Variants in EXOC6B observed in about 807,000 individuals in gnomAD.
EXOC6B encodes the protein SEC15 homolog B.
EXOC6B carries 54 observed loss-of-function variants against 113.5 expected under a neutral mutation model. That is an observed-to-expected ratio of 0.48 (90% CI 0.38 to 0.60). The LOEUF (loss-of-function observed/expected upper bound fraction) is 0.60. Among genes scored for constraint, EXOC6B ranks in the 20% least tolerant of loss-of-function variants. The pLI is 0.00. For missense variants in EXOC6B, 797 were observed against 977.5 expected (o/e 0.82, Z 2.46); for synonymous variants, 357 against 339.0 (o/e 1.05, Z -0.58).
At chr2:72,534,677 A>T (rs373231045) in intron 8 of EXOC6B, among the ~76,000 whole-genome samples, 2 of 152,146 alleles carry the variant, frequency 1.3e-5, no homozygotes, top group East Asian at 3.8e-4. Flanking sequence ...AAGAGTTTAT[A>T]AAAAACAATC....
chr2:72,215,777 G>C (rs1405058256), intron 20 of EXOC6B, among the ~76,000 whole-genome samples: 1 of 152,056 alleles, frequency 6.6e-6, no homozygotes, highest in South Asian at 2.1e-4. Context: ...TTGGAAACAG[G>C]GGAGGAGACC....
intron 20 of EXOC6B, among the ~76,000 whole-genome samples, chr2:72,327,061 T>C (rs1688165735): frequency 6.6e-6 from 1 of 152,100 alleles, no homozygotes; most frequent in East Asian, 1.9e-4. Flanking sequence ...TGCTCCAAAC[T>C]GAAGGACCTT....
chr2:72,551,937 C>T (rs1648422513), intron 8 of EXOC6B, among the ~76,000 whole-genome samples: 1 of 152,218 alleles, frequency 6.6e-6, no homozygotes, highest in South Asian at 2.1e-4. Context: ...AACTTTTATA[C>T]ATCCTTGCTT....
chr2:72,382,965 T>C (rs1691781808), intron 18 of EXOC6B, among the ~76,000 whole-genome samples: 1 of 152,144 alleles, frequency 6.6e-6, no homozygotes, highest in Admixed American at 6.6e-5. Flanking sequence ...ATCAGACTCC[T>C]TCCTTGTACC....
intron 1 of EXOC6B, among the ~76,000 whole-genome samples, chr2:72,743,928 T>C (rs1035189533): frequency 6.6e-6 from 1 of 152,154 alleles, no homozygotes; most frequent in African/African-American, 2.4e-5. Flanking sequence ...CACTGCATAA[T>C]AATGTTTTAG....
intron 1 of EXOC6B, among the ~76,000 whole-genome samples, chr2:72,771,274 G>A (rs1230820197): frequency 6.6e-6 from 1 of 151,952 alleles, no homozygotes; most frequent in African/African-American, 2.4e-5. Flanking sequence ...ATTTCACATT[G>A]CACAGAACTC....
At chr2:72,300,095 C>G (rs6546759) in intron 20 of EXOC6B, among the ~76,000 whole-genome samples, 55,843 of 152,124 alleles carry the variant, frequency 0.37, 16,780 homozygotes, top group African/African-American at 0.83. Context: ...AGGCAGGGAT[C>G]TTTAAGTCTG....
At chr2:72,768,547 C>T (rs1223890058) in intron 1 of EXOC6B, among the ~76,000 whole-genome samples, 2 of 151,898 alleles carry the variant, frequency 1.3e-5, no homozygotes, top group African/African-American at 2.4e-5. Context: ...TCAGGTGATC[C>T]CCCCGCCTTG....
chr2:72,484,790 T>A (rs1273333634), intron 16 of EXOC6B, among the ~76,000 whole-genome samples: 1 of 152,182 alleles, frequency 6.6e-6, no homozygotes, highest in African/African-American at 2.4e-5. Context: ...TCATTCCTTT[T>A]TATGGCTGCA....
chr2:72,619,179 C>CAG (rs139874004), intron 6 of EXOC6B, among the ~76,000 whole-genome samples: 2,066 of 145,830 alleles, frequency 0.014, 25 homozygotes, highest in East Asian at 0.03. Context: ...AATACACAGC[C>CAG]AGAGAGAGAG....
At chr2:72,596,774 TG>T (rs1441445253) in intron 6 of EXOC6B, among the ~76,000 whole-genome samples, 1 of 151,488 alleles carries the variant, frequency 6.6e-6, no homozygotes, top group Non-Finnish European at 1.5e-5. Context: ...TATAAAACAC[TG>T]TTTAAAAAGG....
intron 2 of EXOC6B, among the ~76,000 whole-genome samples, chr2:72,737,759 G>T (rs773233480): frequency 5.9e-5 from 9 of 151,998 alleles, no homozygotes; most frequent in Non-Finnish European, 1.0e-4. Flanking sequence ...GGCTGAGGAA[G>T]GATAATCGCT....
intron 8 of EXOC6B, among the ~76,000 whole-genome samples, chr2:72,521,277 G>T (rs907480340): frequency 6.6e-6 from 1 of 152,088 alleles, no homozygotes; most frequent in African/African-American, 2.4e-5. Context: ...CTAGACAAAA[G>T]AACCTGTTAT....
intron 1 of EXOC6B, among the ~76,000 whole-genome samples, chr2:72,811,308 C>T (rs1172752919): frequency 9.2e-5 from 14 of 152,128 alleles, no homozygotes; most frequent in African/African-American, 3.4e-4. Context: ...AGACTCAAGA[C>T]TCTGCTTAAA....
intron 18 of EXOC6B, among the ~76,000 whole-genome samples, chr2:72,381,264 G>A (rs190533572): frequency 6.6e-6 from 1 of 152,240 alleles, no homozygotes. Context: ...ATTTTGAAGT[G>A]TATTGTATCT....
intron 20 of EXOC6B, among the ~76,000 whole-genome samples, chr2:72,223,634 T>C (rs1188871605): frequency 6.6e-6 from 1 of 152,246 alleles, no homozygotes; most frequent in African/African-American, 2.4e-5. Flanking sequence ...TGATTTACTA[T>C]TAAATACATT....
intron 6 of EXOC6B, among the ~76,000 whole-genome samples, chr2:72,707,202 T>C (rs1376582900): frequency 6.6e-6 from 1 of 152,194 alleles, no homozygotes; most frequent in Non-Finnish European, 1.5e-5. Context: ...CTAAGTTTTA[T>C]GATAATTTGT....
chr2:72,779,864 T>C (rs1016076558), intron 1 of EXOC6B, among the ~76,000 whole-genome samples: 1 of 152,192 alleles, frequency 6.6e-6, no homozygotes, highest in African/African-American at 2.4e-5. Flanking sequence ...CGTTGCTTCA[T>C]GGGAAAAGTC....
Position 72,825,988 on chromosome 2 carries a change from C to T in EXOC6B, c.-78G>A. 1 of 1,547,812 alleles carries T rather than the reference C, an allele frequency of 6.5e-7. No homozygotes were observed. Among genetic ancestry groups the T allele is most frequent in the Non-Finnish European group, 8.7e-7 (1 of 1,149,962 alleles). ...CCCTGCCCCACAATGCCGCTCCCAC[C>T]ACAGGCTCCACAGCCGCCCCAGCCT... is the stretch of plus-strand genomic sequence containing the variant. On this transcript the variant is annotated 5_prime_UTR_variant, in exon 1 of 22. Coordinates refer to ENST00000272427, the MANE Select transcript of EXOC6B (RefSeq NM_015189.3). This position sits in a 1 kb window ranked among gnomAD's most constrained non-coding sequence, Gnocchi z 4.4.
Sources: gnomAD v4.1 joint callset for allele counts (sites outside exome capture counted in the v4.1 genomes callset) on GRCh38, gnomAD v4.1.1 for gene constraint, Gnocchi (gnomAD v3.1) non-coding constraint, MANE v1.5 for transcripts, NCBI Gene and HGNC (gene_info 2026-07-23, HGNC 2026-07-21) for gene names.